Variants in ANKRD36 observed in about 807,000 individuals in gnomAD.
The protein encoded by ANKRD36 is ankyrin repeat domain 36, also known as ankyrin repeat domain-containing protein 36A.
In ANKRD36, 179 loss-of-function variants were observed where a neutral mutation model predicts 278.1. The ratio of observed to expected loss-of-function variants is 0.64; its 90% CI spans 0.57 to 0.73. The LOEUF is 0.73. Among genes scored for constraint, ANKRD36 ranks in the 30% least tolerant of loss-of-function variants. ANKRD36 has a pLI of 0.00. For missense variants in ANKRD36, 1,159 were observed against 1,956.7 expected (o/e 0.59, Z 7.69); for synonymous variants, 320 against 641.1 (o/e 0.50, Z 7.57).
At chr2:97,209,499 G>T (rs2063779077) in intron 54 of ANKRD36, among the ~76,000 whole-genome samples, 182 bp from the exon 55 acceptor site, 1 of 146,164 alleles carries the variant, frequency 6.8e-6, no homozygotes, top group Non-Finnish European at 1.5e-5. Flanking sequence ...ATTTCATGGA[G>T]CCTGTGTTCC....
intron 22 of ANKRD36, among the ~76,000 whole-genome samples, chr2:97,169,566 T>C (rs891387259): frequency 6.6e-6 from 1 of 152,284 alleles, no homozygotes; most frequent in African/African-American, 2.4e-5. Context: ...CTCCTTCAGC[T>C]GATAAGCAAC....
intron 67 of ANKRD36, among the ~76,000 whole-genome samples, chr2:97,227,591 T>C (rs1397191474): frequency 6.6e-6 from 1 of 152,112 alleles, no homozygotes; most frequent in Non-Finnish European, 1.5e-5. Context: ...TTTGACTTCC[T>C]CTTTTCCTAA....
At chr2:97,121,730 T>G (rs1352710754) in intron 3 of ANKRD36, among the ~76,000 whole-genome samples, 2 of 152,128 alleles carry the variant, frequency 1.3e-5, no homozygotes, top group African/African-American at 2.4e-5. Context: ...TATTAGAGCT[T>G]TAATTGATAA....
chr2:97,174,807 C>G (rs1285156951), intron 22 of ANKRD36, among the ~76,000 whole-genome samples: 1 of 151,860 alleles, frequency 6.6e-6, no homozygotes, highest in Non-Finnish European at 1.5e-5. Context: ...CCCATCAATA[C>G]TGAATTTATT....
chr2:97,207,614 C>A (rs1413887361), intron 52 of ANKRD36, among the ~76,000 whole-genome samples, 197 bp from the exon 53 acceptor site: 3 of 151,352 alleles, frequency 2.0e-5, no homozygotes, highest in African/African-American at 7.3e-5. Context: ...AATTCTAAGA[C>A]TATATTTCAT....
intron 22 of ANKRD36, among the ~76,000 whole-genome samples, chr2:97,179,526 G>T (rs533327818): frequency 6.6e-6 from 1 of 151,496 alleles, no homozygotes; most frequent in Admixed American, 6.6e-5. Context: ...ATATGAAATT[G>T]TCAGTGTATA....
At chr2:97,143,208 G>A (rs2043360467) in intron 8 of ANKRD36, among the ~76,000 whole-genome samples, 1 of 151,888 alleles carries the variant, frequency 6.6e-6, no homozygotes, top group Non-Finnish European at 1.5e-5. Context: ...CCACATGGAA[G>A]AAGTGATTGG....
At chr2:97,130,153 G>C (rs2039708670) in intron 6 of ANKRD36, among the ~76,000 whole-genome samples, 1 of 151,830 alleles carries the variant, frequency 6.6e-6, no homozygotes, top group Non-Finnish European at 1.5e-5. Context: ...TCATTGAGCA[G>C]TGGTTTGTAG....
At chr2:97,192,294 A>T (rs1201750994) in intron 36 of ANKRD36, among the ~76,000 whole-genome samples, 1 of 151,764 alleles carries the variant, frequency 6.6e-6, no homozygotes, top group East Asian at 2.0e-4. Flanking sequence ...GATAATGAAT[A>T]TTATCTACTA....
intron 40 of ANKRD36, among the ~76,000 whole-genome samples, chr2:97,196,376 C>T (rs1396866422): frequency 3.9e-5 from 6 of 151,938 alleles, no homozygotes; most frequent in African/African-American, 1.4e-4. Context: ...AGAAATCATG[C>T]CATGTTTGAA....
At chr2:97,133,174 T>C (rs1443388738) in intron 6 of ANKRD36, among the ~76,000 whole-genome samples, 1 of 152,056 alleles carries the variant, frequency 6.6e-6, no homozygotes, top group African/African-American at 2.4e-5. Flanking sequence ...ATATGCATTA[T>C]TTTCTTCACA....
chr2:97,223,194 G>A (rs1364065674), intron 66 of ANKRD36, among the ~76,000 whole-genome samples: 44 of 143,288 alleles, frequency 3.1e-4, no homozygotes, highest in African/African-American at 4.0e-4. Context: ...TCCACCTCCC[G>A]GGTTAAAGCG....
intron 67 of ANKRD36, among the ~76,000 whole-genome samples, chr2:97,225,418 G>T (rs577831811): frequency 1.3e-5 from 2 of 152,188 alleles, no homozygotes; most frequent in African/African-American, 4.8e-5. Flanking sequence ...ATACCTTGCA[G>T]AATGGCACCT....
At chr2:97,196,693 A>T in intron 41 of ANKRD36, 23 bp from the exon 42 acceptor site, 1 of 1,576,536 alleles carries the variant, frequency 6.3e-7, no homozygotes. Flanking sequence ...TTTATTTATT[A>T]TTTCGTTTCA....
In ANKRD36 at chr2:97,164,414, A is replaced by T. The variant is rs2924003; in HGVS notation, c.1476A>T (p.Arg492Ser). The change falls in exon 20 of 76, where the codon AGA (arginine) becomes AGT (serine). Residue 492 changes from arginine to serine, a missense_variant. Transcript: ENST00000420699. ...CCATTCAGCATACGGTGAAAGACAG[A>T]GATCACATTTCAACTAGATTCTTAG... The part of the protein sequence containing the change: ...PPLFTHTVKD[R>S]DHISTRFLGG... 8 of 1,537,554 alleles carry T rather than the reference A, an allele frequency of 5.2e-6. No homozygotes were observed. In the East Asian group the frequency reaches 7.3e-5, roughly 14 times the overall value.
chr2:97,194,254 G>T (rs1486309598), intron 38 of ANKRD36, among the ~76,000 whole-genome samples: 1 of 151,636 alleles, frequency 6.6e-6, no homozygotes, highest in African/African-American at 2.4e-5. Flanking sequence ...CAACTGGAGG[G>T]TCATCGTAAT....
chr2:97,231,135 C>T (rs1214868123), intron 67 of ANKRD36, among the ~76,000 whole-genome samples: 1 of 152,100 alleles, frequency 6.6e-6, no homozygotes, highest in East Asian at 2.0e-4. Context: ...CTCAGATCTC[C>T]AGCTGCATGC....
intron 22 of ANKRD36, among the ~76,000 whole-genome samples, chr2:97,178,569 A>G (rs2055080051): frequency 6.6e-6 from 1 of 151,326 alleles, no homozygotes; most frequent in Non-Finnish European, 1.5e-5. Flanking sequence ...TCAGTAAACT[A>G]TCGCAAAAAC....
intron 12 of ANKRD36, among the ~76,000 whole-genome samples, chr2:97,151,271 G>A (rs1275138380): frequency 6.6e-6 from 1 of 151,504 alleles, no homozygotes; most frequent in African/African-American, 2.4e-5. Flanking sequence ...TAGTAGCTAT[G>A]TGTGGCCTTC....
Sources: gnomAD v4.1 joint callset for allele counts (sites outside exome capture counted in the v4.1 genomes callset) on GRCh38, gnomAD v4.1.1 for gene constraint, MANE v1.5 for transcripts, NCBI Gene and HGNC (gene_info 2026-07-23, HGNC 2026-07-21) for gene names.